Variants in ANO7 observed in about 807,000 individuals in gnomAD.
The protein encoded by ANO7 is anoctamin-7.
ANO7 carries 114 observed loss-of-function variants against 115.8 expected under a neutral mutation model. The observed-to-expected ratio is 0.98, with a 90% CI of 0.85 to 1.15. The LOEUF (loss-of-function observed/expected upper bound fraction) is 1.15, where lower values mean the gene tolerates loss of function less well. Ranked by LOEUF, ANO7 falls within the 50% of genes most tolerant of loss-of-function variation. The pLI is 0.00. For synonymous variants in ANO7, 550 were observed against 498.2 expected, an observed-to-expected ratio of 1.10 and a Z score of -1.38; for missense variants, 1,302 against 1,201.2, an observed-to-expected ratio of 1.08 and a Z score of -1.24.
intron 4 of ANO7, among the ~76,000 whole-genome samples, chr2:241,198,125 C>T (rs2068387388): frequency 6.6e-6 from 1 of 152,200 alleles, no homozygotes; most frequent in African/African-American, 2.4e-5. Context: ...CTGCGTCCGA[C>T]TCCCCTCCAC....
rs2068119653 is a variant in ANO7 at position 241,188,875 on chromosome 2, G to C, written c.-8+109G>C. ...CCGGGACTTTCACACACCCTGGCCTGTGGGGAGGCAGTGCCAGGGCCCGCC... is the reference window on the plus strand; with the variant it reads ...CCGGGACTTTCACACACCCTGGCCTCTGGGGAGGCAGTGCCAGGGCCCGCC... On this transcript the variant is annotated intron_variant, in intron 1 of 24. Coordinates refer to ENST00000674324, the MANE Select transcript of ANO7 (RefSeq NM_001370694.2). The surrounding 1 kb of genome is among the most constrained non-coding windows in gnomAD (Gnocchi z 4.3). 2 of 1,425,424 alleles carry C rather than the reference G, an allele frequency of 1.4e-6. No individual in the cohort carries two copies. 88.3% of individuals were successfully genotyped at this position (1,425,424 alleles called of 1,614,324 possible).
downstream of ANO7, chr2:241,229,845 G>T: frequency 1.9e-6 from 3 of 1,571,086 alleles, no homozygotes; most frequent in Non-Finnish European, 2.6e-6. Context: ...TCTCACTGCT[G>T]CTGGCGGTCC....
At position 241,212,102 on chromosome 2, in the gene ANO7, C is replaced by T. The variant is rs111934267; in HGVS notation, c.1570C>T (p.Arg524Cys). ...AHVLTRWEMH[R>C]TQTKFEDAFT... ...GGCTCTCCATGCCACAGAAATGCAC[C>T]GCACCCAGACCAAGTTCGAGGACGC... The change falls in exon 16 of 25, where the codon CGC (arginine) becomes TGC (cysteine). Residue 524 changes from arginine (R) to cysteine (C), a missense_variant. By Grantham distance (180) the Arg-to-Cys change is radical (BLOSUM62 -3). Coordinates refer to ENST00000674324, the MANE Select transcript of ANO7 (RefSeq NM_001370694.2). The T allele has an allele frequency of 8.2e-4, 1,317 of 1,613,934 alleles. 8 individuals are homozygous for T. In the African/African-American group the frequency reaches 0.014, roughly 17 times the overall value.
At chr2:241,190,020 T>C in intron 1 of ANO7, 37 bp from the exon 2 acceptor site, 1 of 1,519,726 alleles carries the variant, frequency 6.6e-7, no homozygotes, top group Non-Finnish European at 8.9e-7. Flanking sequence ...CCATCCCCTC[T>C]CTGACCCCCA....
rs1300317380 is a variant in ANO7, at chr2:241,225,800, C to T, written c.*1647C>T. ...CACAGCGCCCTGGGGCTGGACACCA[C>T]CGGCCGGAGCATGGCGGACAGCACA... is the stretch of plus-strand genomic sequence containing the variant. On this transcript the variant is annotated 3_prime_UTR_variant, in exon 25 of 25. Transcript: ENST00000674324. Among the ~76,000 whole-genome samples the T allele has an allele frequency of 6.6e-6, 1 of 152,174 alleles. No individual in the cohort carries two copies. The highest frequency in any genetic ancestry group is 2.4e-5 in the African/African-American group (1 of 41,448).
At chr2:241,197,794 G>C (rs2068379282) in intron 4 of ANO7, among the ~76,000 whole-genome samples, 1 of 151,980 alleles carries the variant, frequency 6.6e-6, no homozygotes, top group Non-Finnish European at 1.5e-5. Flanking sequence ...GGGATTACAG[G>C]TGTGTACCAC....
chr2:241,194,928 C>A (rs1157953770), intron 3 of ANO7, among the ~76,000 whole-genome samples: 5 of 152,230 alleles, frequency 3.3e-5, no homozygotes, highest in Non-Finnish European at 2.9e-5. Flanking sequence ...GCCTGCGAGT[C>A]TCTGCTGGAT....
intron 3 of ANO7, among the ~76,000 whole-genome samples, chr2:241,193,626 G>T (rs2068255099): frequency 6.6e-6 from 1 of 152,082 alleles, no homozygotes; most frequent in Admixed American, 6.6e-5. Flanking sequence ...TCTATCCTCT[G>T]AGAAAATCAT....
At chr2:241,204,289 C>T (rs1211187379) in intron 9 of ANO7, among the ~76,000 whole-genome samples, 1 of 152,150 alleles carries the variant, frequency 6.6e-6, no homozygotes, top group African/African-American at 2.4e-5. Flanking sequence ...GTCACTTTGG[C>T]CAGCAGAGAG....
intron 11 of ANO7, among the ~76,000 whole-genome samples, chr2:241,207,886 T>C (rs1184739473): frequency 6.6e-6 from 1 of 152,154 alleles, no homozygotes; most frequent in Non-Finnish European, 1.5e-5. Context: ...GAGTGGCCCA[T>C]GTTAGTGCTT....
chr2:241,235,043 G>C, the ANO7 span: 12 of 1,545,934 alleles, frequency 7.8e-6, no homozygotes, highest in African/African-American at 1.4e-4. Context: ...GGATCCTGAA[G>C]AACTTCCCTA....
chr2:241,199,432 G>A lies in ANO7; in HGVS notation c.417+9G>A. Reference sequence around the variant, plus strand: ...TGAAGCTGCCCTTGCAGGTACGTGGGAGGCATGGGGACAGGGTGGGCCTGG... The same window carrying A: ...TGAAGCTGCCCTTGCAGGTACGTGGAAGGCATGGGGACAGGGTGGGCCTGG... On this transcript the variant is annotated intron_variant, in intron 5 of 24. Transcript: ENST00000674324. 6.2e-7 allele frequency: 1 copy of A among 1,613,446 alleles called. No homozygotes were observed. The highest frequency in any genetic ancestry group is 1.3e-5 in the African/African-American group (1 of 75,064).
chr2:241,229,867 C>T (rs747771920), downstream of ANO7: 7 of 1,585,536 alleles, frequency 4.4e-6, no homozygotes, highest in African/African-American at 2.7e-5. Context: ...GGGTGCGTCC[C>T]GCACCACAAA....
chr2:241,196,110 C>T, intron 4 of ANO7: 16 of 1,390,406 alleles, frequency 1.2e-5, no homozygotes, highest in Non-Finnish European at 1.5e-5. Context: ...AAAACTCTGA[C>T]ACTACCTTTG....
chr2:241,219,731 C>CTTT (rs11299376), intron 21 of ANO7, among the ~76,000 whole-genome samples: 4 of 113,958 alleles, frequency 3.5e-5, no homozygotes, highest in African/African-American at 3.4e-5. Flanking sequence ...CCAGGCCTGG[C>CTTT]TTTTTTTTTT....
Position 241,199,741 on chromosome 2 carries a change from T to C in ANO7, c.417+318T>C, listed in dbSNP as rs533564450. Among the ~76,000 whole-genome samples the C allele has an allele frequency of 1.0e-3, 156 of 152,290 alleles. 1 individual carries two copies. The highest frequency in any genetic ancestry group is 3.6e-3 in the African/African-American group (150 of 41,564). On this transcript the variant is annotated intron_variant, in intron 5 of 24. Coordinates refer to ENST00000674324, the MANE Select transcript of ANO7 (RefSeq NM_001370694.2). The stretch of plus-strand genomic sequence containing the variant: ...TGAACATGGGGTGGAGAAGGCTGCC[T>C]CCAGGTGACCTCAGGAAGATGGGCC...
At position 241,193,295 on chromosome 2, in the gene ANO7, C is replaced by T. The variant is rs117743123; in HGVS notation, c.166+2044C>T. ...ATGTTGGTTGGGCAGGTCTTGAACT[C>T]CTGACCTCAGGTGATCCGCCCGCCT... On this transcript the variant is annotated intron_variant, in intron 3 of 24. Transcript: ENST00000674324. Among the ~76,000 whole-genome samples the T allele has an allele frequency of 4.3e-4, 65 of 152,258 alleles. No homozygotes were observed. The East Asian group carries it at 9.1e-3, about 21-fold the overall frequency.
chr2:241,209,603 A>G lies in ANO7; in HGVS notation c.1327A>G (p.Met443Val). Reference sequence around the variant, plus strand: ...CCCTGAGAGGAGCCGCGCGCGCCGCATGCTGGCCGGCTCTGTGGTGATCGT... The same window carrying G: ...CCCTGAGAGGAGCCGCGCGCGCCGCGTGCTGGCCGGCTCTGTGGTGATCGT... ...YFPERSRARRMLAGSVVIVVM... is the reference protein window; with the variant it reads ...YFPERSRARRVLAGSVVIVVM... The change falls in exon 13 of 25, where the codon ATG (methionine) becomes GTG (valine). Residue 443 changes from methionine (M) to valine (V), a missense_variant. Transcript: ENST00000674324. 6.3e-7 allele frequency: 1 copy of G among 1,593,002 alleles called. No homozygotes were observed. The highest frequency in any genetic ancestry group is 8.5e-7 in the Non-Finnish European group (1 of 1,170,024).
chr2:241,236,978 G>GGGGC, the ANO7 span, among the ~76,000 whole-genome samples: 1 of 6,636 alleles, frequency 1.5e-4, no homozygotes, highest in African/African-American at 5.0e-4. Flanking sequence ...CCCAGACCTT[G>GGGGC]GGGGGGGGGG....
Sources: allele counts gnomAD v4.1 joint callset (sites outside exome capture counted in the v4.1 genomes callset), GRCh38; gene constraint gnomAD v4.1.1; non-coding constraint Gnocchi (gnomAD v3.1); transcripts MANE v1.5; gene names NCBI Gene and HGNC (gene_info 2026-07-23, HGNC 2026-07-21).